The following IGF2BP3 variants were observed in gnomAD, a reference collection of about 807,000 sequenced individuals.
IGF2BP3 encodes insulin like growth factor 2 mRNA binding protein 3.
A neutral mutation model predicts 73.8 loss-of-function variants in IGF2BP3; 9 were observed. The observed-to-expected ratio is 0.12, with a 90% CI of 0.07 to 0.21. The LOEUF (loss-of-function observed/expected upper bound fraction) is 0.21. Among genes scored for constraint, IGF2BP3 ranks in the 10% least tolerant of loss-of-function variants. The pLI is 1.00. For missense variants in IGF2BP3, 542 were observed against 714.0 expected (o/e 0.76, Z 2.75); for synonymous variants, 258 against 256.7 (o/e 1.01, Z -0.05).
chr7:23,378,625 G>C (rs911269398), intron 3 of IGF2BP3, among the ~76,000 whole-genome samples: 1 of 141,974 alleles, frequency 7.0e-6, no homozygotes, highest in African/African-American at 2.7e-5. Context: ...CCAGGCTGGA[G>C]TGCAGTGGCA....
chr7:23,434,757 C>G (rs1272974812), intron 2 of IGF2BP3, among the ~76,000 whole-genome samples: 2 of 152,114 alleles, frequency 1.3e-5, no homozygotes, highest in Non-Finnish European at 2.9e-5. Context: ...CAAATTGTTC[C>G]TGATTACTAA....
intron 5 of IGF2BP3, among the ~76,000 whole-genome samples, chr7:23,353,765 C>T (rs886440829): frequency 3.3e-5 from 5 of 152,156 alleles, no homozygotes; most frequent in Admixed American, 6.5e-5. Flanking sequence ...TGACACATGC[C>T]ACACTTATTT....
chr7:23,388,684 G>C (rs992315031), intron 3 of IGF2BP3, among the ~76,000 whole-genome samples: 1 of 145,772 alleles, frequency 6.9e-6, no homozygotes, highest in African/African-American at 2.5e-5. Flanking sequence ...ATTCCCAGAA[G>C]TTTCTGCCTT....
At chr7:23,313,430 A>G in intron 13 of IGF2BP3, 92 bp downstream of exon 13, 2 of 1,434,474 alleles carry the variant, frequency 1.4e-6, no homozygotes, top group Non-Finnish European at 1.9e-6. Context: ...TGCTTTTTAT[A>G]AATTAGCCAA....
intron 2 of IGF2BP3, among the ~76,000 whole-genome samples, chr7:23,465,638 G>A (rs2128552609): frequency 6.6e-6 from 1 of 152,324 alleles, no homozygotes; most frequent in East Asian, 1.9e-4. Context: ...ATCTCAGCGT[G>A]CATTCTCCAG....
chr7:23,401,700 G>A (rs1786669388), intron 3 of IGF2BP3, among the ~76,000 whole-genome samples: 1 of 152,082 alleles, frequency 6.6e-6, no homozygotes, highest in Non-Finnish European at 1.5e-5. Context: ...AGGAGGTAAA[G>A]GTTGCAGTGA....
At chr7:23,329,382 G>A (rs1784387102) in intron 10 of IGF2BP3, among the ~76,000 whole-genome samples, 1 of 152,184 alleles carries the variant, frequency 6.6e-6, no homozygotes, top group Non-Finnish European at 1.5e-5. Context: ...TACAGTGTGT[G>A]TGCATAGTTT....
chr7:23,360,872 T>G (rs190649), intron 5 of IGF2BP3, among the ~76,000 whole-genome samples: 1 of 152,200 alleles, frequency 6.6e-6, no homozygotes, highest in Non-Finnish European at 1.5e-5. Context: ...TCTTTCATGT[T>G]CATATTCTGG....
intron 3 of IGF2BP3, among the ~76,000 whole-genome samples, chr7:23,378,826 C>G (rs911204812): frequency 6.6e-6 from 1 of 152,090 alleles, no homozygotes; most frequent in African/African-American, 2.4e-5. Context: ...CCCACCATGG[C>G]CTCCCAAAGT....
chr7:23,428,115 G>A (rs1787564838), intron 2 of IGF2BP3, among the ~76,000 whole-genome samples: 1 of 152,272 alleles, frequency 6.6e-6, no homozygotes. Context: ...GGTGGAGGCT[G>A]CAGTGAGCCA....
intron 3 of IGF2BP3, chr7:23,416,318 A>T (rs1787188828): frequency 6.6e-6 from 1 of 152,202 alleles, no homozygotes; most frequent in Non-Finnish European, 1.5e-5. Flanking sequence ...CTCACAGAGA[A>T]CTTACTATAG....
intron 3 of IGF2BP3, among the ~76,000 whole-genome samples, chr7:23,389,488 G>C (rs1281800068): frequency 1.3e-5 from 2 of 151,642 alleles, no homozygotes; most frequent in Non-Finnish European, 1.5e-5. Context: ...GTGTGAAAAG[G>C]CTTAAGGTTT....
At chr7:23,320,962 AAAAAAAAG>A (rs1562669071) in intron 10 of IGF2BP3, among the ~76,000 whole-genome samples, 34 of 146,066 alleles carry the variant, frequency 2.3e-4, no homozygotes, top group African/African-American at 8.7e-4. Flanking sequence ...AAAAAAAAAA[AAAAAAAAG>A]AAAAAACAAA....
chr7:23,394,719 T>C (rs1211385177), intron 3 of IGF2BP3: 5 of 152,134 alleles, frequency 3.3e-5, no homozygotes, highest in Non-Finnish European at 7.3e-5. Context: ...TAAGCAAAGG[T>C]CCTGTTTTCA....
At chr7:23,320,238 T>C (rs1784099771) in intron 10 of IGF2BP3, among the ~76,000 whole-genome samples, 1 of 152,020 alleles carries the variant, frequency 6.6e-6, no homozygotes, top group Non-Finnish European at 1.5e-5. Context: ...CATGAAAAAA[T>C]TAGAAAATAT....
chr7:23,386,865 G>A (rs1247034868), intron 3 of IGF2BP3, among the ~76,000 whole-genome samples: 1 of 152,050 alleles, frequency 6.6e-6, no homozygotes, highest in Non-Finnish European at 1.5e-5. Context: ...TCAGGAGTTC[G>A]AGACCAGCCT....
intron 10 of IGF2BP3, among the ~76,000 whole-genome samples, chr7:23,338,635 T>C (rs80036370): frequency 0.041 from 6,304 of 152,264 alleles, 438 homozygotes; most frequent in African/African-American, 0.14. Context: ...AATCAAACAG[T>C]TGTTGTTAGC....
intron 5 of IGF2BP3, chr7:23,361,284 T>C (rs556872328): frequency 2.9e-5 from 10 of 344,046 alleles, no homozygotes; most frequent in East Asian, 1.1e-4. Context: ...TAGGGTGTGA[T>C]TCAGTTTCAT....
chr7:23,416,359 C>T (rs963146844), intron 3 of IGF2BP3: 1 of 152,204 alleles, frequency 6.6e-6, no homozygotes, highest in Non-Finnish European at 1.5e-5. Context: ...GAGTCTTACT[C>T]TGTAACAGGC....
Sources: gnomAD v4.1 joint callset for allele counts (sites outside exome capture counted in the v4.1 genomes callset) on GRCh38, gnomAD v4.1.1 for gene constraint, MANE v1.5 for transcripts, NCBI Gene and HGNC (gene_info 2026-07-23, HGNC 2026-07-21) for gene names.